The following STAT3 variants were observed in gnomAD, a reference collection of about 807,000 sequenced individuals.
The protein encoded by STAT3 is DNA-binding protein APRF.
In STAT3, 7 loss-of-function variants were observed where a neutral mutation model predicts 114.3. The ratio of observed to expected loss-of-function variants is 0.06; its 90% CI spans 0.03 to 0.11. The LOEUF is 0.11. STAT3 is among the 10% of genes least tolerant of loss of function. The pLI, the probability that STAT3 is intolerant of heterozygous loss-of-function variation, is 1.00. For synonymous variants in STAT3, 331 were observed against 354.5 expected (o/e 0.93, Z 0.74); for missense variants, 364 against 960.9 (o/e 0.38, Z 8.21).
At position 42,346,551 on chromosome 17, in the gene STAT3, C is replaced by A; in HGVS notation, c.273+18G>T. The A allele has an allele frequency of 6.2e-7, 1 of 1,614,020 alleles. No individual in the cohort carries two copies. Among genetic ancestry groups the A allele is most frequent in the Non-Finnish European group, 8.5e-7 (1 of 1,179,980 alleles). Reference sequence around the variant, plus strand: ...TCTGCGGGTCCTGTTTCTCCTTGTCCTCAGTTTCTCATCATACCTGAAGAA... The same window carrying A: ...TCTGCGGGTCCTGTTTCTCCTTGTCATCAGTTTCTCATCATACCTGAAGAA... On this transcript the variant is annotated intron_variant, in intron 3 of 23. Transcript: ENST00000264657.
chr17:42,338,865 A>G, intron 5 of STAT3, 53 bp from the exon 6 acceptor site: 1 of 1,484,846 alleles, frequency 6.7e-7, no homozygotes, highest in South Asian at 1.1e-5. Context: ...TTTCCTTGGG[A>G]ACAGAAAATA....
chr17:42,345,733 A>C (rs2082668042), intron 3 of STAT3, 76 bp from the exon 4 acceptor site: 1 of 1,281,026 alleles, frequency 7.8e-7, no homozygotes, highest in East Asian at 2.5e-5. Context: ...GCACCTTAAA[A>C]CTAATGTATT....
intron 1 of STAT3, among the ~76,000 whole-genome samples, chr17:42,354,329 C>A (rs1274697850): frequency 2.0e-5 from 3 of 150,490 alleles, no homozygotes; most frequent in Non-Finnish European, 4.4e-5. Flanking sequence ...CCCACCACGC[C>A]CGGCTAATTT....
intron 1 of STAT3, among the ~76,000 whole-genome samples, chr17:42,377,757 G>A (rs2084548129): frequency 1.3e-5 from 2 of 152,138 alleles, no homozygotes; most frequent in Admixed American, 6.6e-5. Flanking sequence ...ACAAATCTGT[G>A]GTTAAGATTA....
chr17:42,318,183 C>T (rs1288518628), intron 21 of STAT3, among the ~76,000 whole-genome samples: 1 of 151,822 alleles, frequency 6.6e-6, no homozygotes, highest in Admixed American at 6.6e-5. Flanking sequence ...AGTGCAGTAG[C>T]GCCATCTTGG....
intron 11 of STAT3, among the ~76,000 whole-genome samples, chr17:42,330,495 C>T (rs1170987812): frequency 6.8e-6 from 1 of 145,996 alleles, no homozygotes; most frequent in East Asian, 2.0e-4. Flanking sequence ...GTGGTGTGAT[C>T]TTGGCTCACT....
intron 11 of STAT3, among the ~76,000 whole-genome samples, chr17:42,330,435 CTT>C (rs551847953): frequency 1.7e-4 from 17 of 98,110 alleles, no homozygotes; most frequent in Non-Finnish European, 1.9e-4. Context: ...CTTTTCTTTT[CTT>C]TTTTTTTTTT....
intron 1 of STAT3, among the ~76,000 whole-genome samples, chr17:42,355,616 G>A (rs2083189945): frequency 6.6e-6 from 1 of 152,088 alleles, no homozygotes; most frequent in Non-Finnish European, 1.5e-5. Flanking sequence ...TTCAAAACAG[G>A]AATTTCTCAG....
At chr17:42,371,089 G>C (rs145061971) in intron 1 of STAT3, among the ~76,000 whole-genome samples, 75 of 152,312 alleles carry the variant, frequency 4.9e-4, no homozygotes, top group Non-Finnish European at 9.3e-4. Context: ...GCAGAGATAA[G>C]ACAGAACAGG....
Position 42,333,582 on chromosome 17 carries a change from G to T in STAT3, c.1049+91C>A. 2 of 1,441,722 alleles carry T rather than the reference G, an allele frequency of 1.4e-6. No homozygotes were observed. Among genetic ancestry groups the T allele is most frequent in the African/African-American group, 1.4e-5 (1 of 71,454 alleles). The allele number at this position is 1,441,722 out of a possible 1,614,324, so 89.3% of individuals were successfully genotyped here. On this transcript the variant is annotated intron_variant, in intron 10 of 23. Transcript: ENST00000264657. This position sits in a 1 kb window ranked among gnomAD's most constrained non-coding sequence, Gnocchi z 5.2. Reference sequence around the variant, plus strand: ...GTGTACTGCCTGTGACACCACACCTGGAAAGAATGACCCTGGCCACCAACT... The same window carrying T: ...GTGTACTGCCTGTGACACCACACCTTGAAAGAATGACCCTGGCCACCAACT...
chr17:42,381,162 A>G (rs746793944), intron 1 of STAT3, among the ~76,000 whole-genome samples: 2 of 152,168 alleles, frequency 1.3e-5, no homozygotes, highest in African/African-American at 2.4e-5. Context: ...CACTCTTTTA[A>G]CTGCTATAGT....
intron 1 of STAT3, among the ~76,000 whole-genome samples, chr17:42,368,034 T>C (rs61451079): frequency 0.01 from 1,524 of 151,916 alleles, 46 homozygotes; most frequent in East Asian, 0.075. Context: ...AATAGAAGAG[T>C]TTAAATTAAA....
chr17:42,380,066 GCT>G (rs2084689173), intron 1 of STAT3, among the ~76,000 whole-genome samples: 2 of 151,998 alleles, frequency 1.3e-5, no homozygotes, highest in South Asian at 2.1e-4. Context: ...ACGGAGTCTT[GCT>G]CTGTCTCCCA....
At chr17:42,348,342 T>C (rs2082789589) in intron 2 of STAT3, 47 bp downstream of exon 2, 2 of 1,612,522 alleles carry the variant, frequency 1.2e-6, no homozygotes, top group African/African-American at 2.7e-5. Flanking sequence ...GTCTCTTGAC[T>C]CAAACTGAAA....
rs2082110720 is a variant in STAT3, at chr17:42,333,571, AC to A, written c.1049+101del. ...ACCCCGCAACAGTGTACTGCCTGTG[AC>A]ACCACACCTGGAAAGAATGACCCTG... On this transcript the variant is annotated intron_variant, in intron 10 of 23. Coordinates refer to ENST00000264657, the MANE Select transcript of STAT3 (RefSeq NM_139276.3). The surrounding 1 kb of genome is among the most constrained non-coding windows in gnomAD (Gnocchi z 5.2). The A allele has an allele frequency of 7.6e-7, 1 of 1,315,178 alleles. No homozygotes were observed. 81.5% of individuals were successfully genotyped at this position (1,315,178 alleles called of 1,614,324 possible).
At chr17:42,329,368 A>C in intron 14 of STAT3, 42 bp downstream of exon 14, 1 of 1,606,510 alleles carries the variant, frequency 6.2e-7, no homozygotes, top group Non-Finnish European at 8.5e-7. Flanking sequence ...CTCTCCCTCA[A>C]GGAAAACACC....
rs764945160 is a variant in STAT3, at chr17:42,339,858, A to G, written c.373-449T>C. 4.5e-4 allele frequency among the ~76,000 whole-genome samples: 69 copies of G among 152,086 alleles called. 1 individual carries two copies. Among genetic ancestry groups the G allele is most frequent in the Non-Finnish European group, 8.8e-5 (6 of 68,018 alleles). On this transcript the variant is annotated intron_variant, in intron 4 of 23. Transcript: ENST00000264657. ...TACCTTGGAAAATGTCAAATAGCAC[A>G]TGGAAAAAGAAAAAGAAGAAAGAAG... is the stretch of plus-strand genomic sequence containing the variant.
intron 1 of STAT3, among the ~76,000 whole-genome samples, chr17:42,375,945 G>C (rs540326773): frequency 6.6e-6 from 1 of 152,074 alleles, no homozygotes; most frequent in Non-Finnish European, 1.5e-5. Context: ...GAGGTCAGGA[G>C]TTCAAGATCA....
chr17:42,338,905 C>G, intron 5 of STAT3, 93 bp from the exon 6 acceptor site: 1 of 1,178,036 alleles, frequency 8.5e-7, no homozygotes, highest in Non-Finnish European at 1.2e-6. Context: ...TCAAATGAAG[C>G]CAAAACCTCA....
Sources: gnomAD v4.1 joint callset for allele counts (sites outside exome capture counted in the v4.1 genomes callset) on GRCh38, gnomAD v4.1.1 for gene constraint, Gnocchi (gnomAD v3.1) non-coding constraint, MANE v1.5 for transcripts, NCBI Gene and HGNC (gene_info 2026-07-23, HGNC 2026-07-21) for gene names.